Variants in ARMC2 observed in about 807,000 individuals in gnomAD.
The protein encoded by ARMC2 is armadillo repeat containing 2, also known as armadillo repeat-containing protein 2.
In ARMC2, 67 loss-of-function variants were observed where a neutral mutation model predicts 90.3. The observed-to-expected ratio is 0.74, with a 90% CI of 0.61 to 0.91. The LOEUF (loss-of-function observed/expected upper bound fraction) is 0.91, where lower values mean the gene tolerates loss of function less well. Ranked by LOEUF, ARMC2 falls within the 40% of genes least tolerant of loss-of-function variation. ARMC2 has a pLI of 0.00. For missense variants in ARMC2, 920 were observed against 1,030.9 expected, an observed-to-expected ratio of 0.89 and a Z score of 1.47; for synonymous variants, 393 against 393.0, an observed-to-expected ratio of 1.00 and a Z score of 0.00.
At chr6:108,990,031 CAG>C in the ARMC2 span, among the ~76,000 whole-genome samples, 1 of 152,130 alleles carries the variant, frequency 6.6e-6, no homozygotes, top group African/African-American at 2.4e-5. Context: ...AGGTTTTGAC[CAG>C]AGTCTCTGAT....
chr6:108,891,789 G>T (rs1429870390), intron 5 of ARMC2, among the ~76,000 whole-genome samples: 1 of 152,200 alleles, frequency 6.6e-6, no homozygotes, highest in Non-Finnish European at 1.5e-5. Context: ...TGTTGCCATT[G>T]CTTTTGTTGT....
Position 108,964,202 on chromosome 6 carries a change from G to A in ARMC2, c.2175G>A (p.Leu725=). ...QNNVHRFMMA[L]LDAQHQDICF... is the part of the protein sequence containing the mutation. Reference sequence around the variant, plus strand: ...TAGTCCACAGGTTCATGATGGCGCTGCTGGATGCTCAGCATCAGGATATCT... The same window carrying A: ...TAGTCCACAGGTTCATGATGGCGCTACTGGATGCTCAGCATCAGGATATCT... The change falls in exon 16 of 18, where the codon CTG becomes CTA. Residue 725 remains leucine (L), a synonymous_variant. Transcript: ENST00000392644. The A allele has an allele frequency of 6.2e-7, 1 of 1,613,926 alleles. No homozygotes were observed.
the ARMC2 span, among the ~76,000 whole-genome samples, chr6:109,005,054 TCAA>T: frequency 6.6e-6 from 1 of 152,222 alleles, no homozygotes; most frequent in African/African-American, 2.4e-5. Flanking sequence ...AGCCTTTGAA[TCAA>T]CAATTCCATC....
At chr6:108,923,981 A>C (rs1774862101) in intron 10 of ARMC2, 1 of 152,102 alleles carries the variant, frequency 6.6e-6, no homozygotes, top group Admixed American at 6.5e-5. Flanking sequence ...CTGAACATTT[A>C]AGAGCTTTTT....
At chr6:108,880,833 C>T in intron 5 of ARMC2, among the ~76,000 whole-genome samples, 1 of 146,774 alleles carries the variant, frequency 6.8e-6, no homozygotes, top group African/African-American at 2.5e-5. Context: ...TCTCTTTTCT[C>T]CCTCCTTCCT....
At chr6:108,942,486 G>A (rs73514354) in intron 12 of ARMC2, among the ~76,000 whole-genome samples, 3,944 of 152,280 alleles carry the variant, frequency 0.026, 156 homozygotes, top group African/African-American at 0.09. Flanking sequence ...TTGATCTGCA[G>A]TGGTTAGACA....
intron 13 of ARMC2, among the ~76,000 whole-genome samples, chr6:108,956,534 T>G (rs1401208399): frequency 3.0e-5 from 4 of 135,044 alleles, no homozygotes; most frequent in African/African-American, 1.1e-4. Flanking sequence ...CTGTCTCTAT[T>G]AAAAAAAAAA....
intron 8 of ARMC2, among the ~76,000 whole-genome samples, chr6:108,906,668 A>G (rs949762575): frequency 2.0e-5 from 3 of 152,120 alleles, no homozygotes; most frequent in African/African-American, 2.4e-5. Context: ...AATGTTTTAT[A>G]GAATTGGGGT....
chr6:108,954,033 C>T (rs1777386647), intron 13 of ARMC2, among the ~76,000 whole-genome samples: 1 of 152,170 alleles, frequency 6.6e-6, no homozygotes, highest in African/African-American at 2.4e-5. Flanking sequence ...ATGGCTATTC[C>T]TTGGTGCAAG....
rs534584454 is a variant in ARMC2 at position 108,877,738 on chromosome 6, T to C, written c.671+1388T>C. ...AGACAAGAGCTATTTAATTTGTTTA[T>C]TTGCAAACCTTCAGATGTGGCAGAA... On this transcript the variant is annotated intron_variant, in intron 5 of 17. Coordinates refer to ENST00000392644, the MANE Select transcript of ARMC2 (RefSeq NM_032131.6). Among the ~76,000 whole-genome samples the C allele has an allele frequency of 3.3e-5, 5 of 152,370 alleles. No homozygotes were observed. In the East Asian group the frequency reaches 9.6e-4, roughly 29 times the overall value.
At chr6:108,850,826 A>T (rs1336641462) in intron 1 of ARMC2, among the ~76,000 whole-genome samples, 4 of 152,152 alleles carry the variant, frequency 2.6e-5, no homozygotes, top group Non-Finnish European at 5.9e-5. Flanking sequence ...CCACATGTAC[A>T]GGGAATTCTA....
At chr6:109,024,443 A>T in the ARMC2 span, among the ~76,000 whole-genome samples, 1 of 152,168 alleles carries the variant, frequency 6.6e-6, no homozygotes, top group East Asian at 1.9e-4. Context: ...ATGGTCCTAT[A>T]AGCCTTAAAA....
At chr6:108,998,449 G>C in the ARMC2 span, 1 of 1,584,206 alleles carries the variant, frequency 6.3e-7, no homozygotes, top group Non-Finnish European at 8.6e-7. Context: ...GCCAACTGAA[G>C]AAATAATATA....
intron 3 of ARMC2, among the ~76,000 whole-genome samples, chr6:108,860,578 C>A (rs1299658298): frequency 6.7e-6 from 1 of 149,336 alleles, no homozygotes; most frequent in Non-Finnish European, 1.5e-5. Flanking sequence ...AGGAGAATGG[C>A]TTGAACTGGG....
chr6:108,864,580 T>A (rs115437065), intron 3 of ARMC2, among the ~76,000 whole-genome samples: 5,575 of 152,250 alleles, frequency 0.037, 300 homozygotes, highest in African/African-American at 0.11. Context: ...GCTTTCTGAC[T>A]TTCAAGGTGT....
intron 3 of ARMC2, among the ~76,000 whole-genome samples, chr6:108,860,147 A>C (rs1379108302): frequency 1.3e-5 from 2 of 151,128 alleles, no homozygotes; most frequent in Non-Finnish European, 2.9e-5. Context: ...TTCTGCTGTC[A>C]TATTTTTAAT....
At chr6:108,959,862 T>C (rs1379963316) in intron 13 of ARMC2, among the ~76,000 whole-genome samples, 1 of 151,902 alleles carries the variant, frequency 6.6e-6, no homozygotes, top group African/African-American at 2.4e-5. Flanking sequence ...ATTTTTGTAT[T>C]TTTAGTGGAG....
the ARMC2 span, chr6:108,998,586 T>C: frequency 1.6e-5 from 26 of 1,613,942 alleles, no homozygotes; most frequent in South Asian, 2.0e-4. Context: ...ACAGATGCAG[T>C]AGTTGCTAAC....
chr6:108,878,394 T>C (rs1777143654), intron 5 of ARMC2, among the ~76,000 whole-genome samples: 1 of 150,148 alleles, frequency 6.7e-6, no homozygotes, highest in South Asian at 2.1e-4. Context: ...GGGGAGAGAG[T>C]GGGTGAGGCC....
Sources: gnomAD v4.1 joint callset for allele counts (sites outside exome capture counted in the v4.1 genomes callset) on GRCh38, gnomAD v4.1.1 for gene constraint, MANE v1.5 for transcripts, NCBI Gene and HGNC (gene_info 2026-07-23, HGNC 2026-07-21) for gene names.